VPS41: variants seen among roughly 807,000 people sequenced by gnomAD.
VPS41 encodes the protein VPS41 subunit of HOPS complex, also known as vacuolar protein sorting-associated protein 41 homolog.
VPS41 carries 85 observed loss-of-function variants against 130.9 expected under a neutral mutation model. The observed-to-expected ratio is 0.65, with a 90% CI of 0.55 to 0.78. The LOEUF (loss-of-function observed/expected upper bound fraction) is 0.78. VPS41 is among the 30% of genes least tolerant of loss of function. The pLI is 0.00. For synonymous variants in VPS41, 335 were observed against 332.9 expected (o/e 1.01, Z -0.07); for missense variants, 874 against 1,018.7 (o/e 0.86, Z 1.93).
At position 38,878,729 on chromosome 7, in the gene VPS41, GT is replaced by G. The variant is rs554209569; in HGVS notation, c.61-9477del. On this transcript the variant is annotated intron_variant, in intron 2 of 28. Coordinates refer to ENST00000310301, the MANE Select transcript of VPS41 (RefSeq NM_014396.4). ...ACAGCATTTATAAAGTTCAACACTT[GT>G]TTCTGATCTTAAAAAAGCTTTCAGT... Among the ~76,000 whole-genome samples the G allele has an allele frequency of 3.5e-3, 539 of 152,270 alleles. 1 individual carries two copies. The highest frequency in any genetic ancestry group is 0.013 in the African/African-American group (524 of 41,560).
At chr7:38,825,880 TGG>T (rs1785264125) in intron 5 of VPS41, among the ~76,000 whole-genome samples, 1 of 152,192 alleles carries the variant, frequency 6.6e-6, no homozygotes, top group African/African-American at 2.4e-5. Flanking sequence ...ACCAGAACAC[TGG>T]GCAACAGCCC....
At chr7:38,839,703 TTACAGGTGTGAGCCACTG>T (rs987051380) in intron 4 of VPS41, among the ~76,000 whole-genome samples, 4 of 152,106 alleles carry the variant, frequency 2.6e-5, no homozygotes, top group Admixed American at 1.3e-4. Context: ...AGTGCTGGGA[TTACAGGTGTGAGCCACTG>T]TACAGGTGTG....
chr7:38,756,765 G>T, intron 19 of VPS41, 73 bp downstream of exon 19: 1 of 1,133,380 alleles, frequency 8.8e-7, no homozygotes, highest in East Asian at 2.6e-5. Context: ...TCCAGCATTT[G>T]GATAGATATC....
chr7:38,742,081 A>G lies in VPS41; in HGVS notation c.2163T>C (p.Val721=). 3.1e-6 allele frequency: 5 copies of G among 1,612,858 alleles called. No individual in the cohort carries two copies. The highest frequency in any genetic ancestry group is 4.2e-6 in the Non-Finnish European group (5 of 1,179,614). ...TACGGTGAATCAGTAGAATTGGGTC[A>G]ACATGTGTGCCAATGTTGTTTAACA... The part of the protein sequence containing the change: ...TGLLNNIGTH[V]DPILLIHRIK... Residue 721 remains valine (V), a synonymous_variant, in exon 25 of 29, where the codon GTT becomes GTC. Coordinates refer to ENST00000310301, the MANE Select transcript of VPS41 (RefSeq NM_014396.4).
chr7:38,885,996 G>A (rs1246224678), intron 2 of VPS41, among the ~76,000 whole-genome samples: 1 of 152,112 alleles, frequency 6.6e-6, no homozygotes, highest in African/African-American at 2.4e-5. Flanking sequence ...CTGAATGAGA[G>A]AGAGAAAACC....
intron 21 of VPS41, 122 bp from the exon 22 acceptor site, chr7:38,752,435 G>T: frequency 2.6e-6 from 3 of 1,170,486 alleles, no homozygotes; most frequent in Non-Finnish European, 2.4e-6. Flanking sequence ...CAGTCTTCAG[G>T]GAAAACCTCT....
chr7:38,779,306 G>C (rs1463506996), intron 10 of VPS41, among the ~76,000 whole-genome samples: 2 of 152,120 alleles, frequency 1.3e-5, no homozygotes, highest in East Asian at 3.8e-4. Flanking sequence ...TCAACATTTG[G>C]ATAAAACTGA....
chr7:38,761,047 A>C (rs1008885104), intron 17 of VPS41, among the ~76,000 whole-genome samples: 4 of 152,136 alleles, frequency 2.6e-5, no homozygotes, highest in Admixed American at 2.6e-4. Flanking sequence ...AATATGATTG[A>C]AATTTTACTT....
At chr7:38,777,326 A>C (rs1021628151) in intron 10 of VPS41, among the ~76,000 whole-genome samples, 1 of 151,380 alleles carries the variant, frequency 6.6e-6, no homozygotes, top group African/African-American at 2.4e-5. Flanking sequence ...AGTATTTCTT[A>C]AGTGAAATAA....
intron 17 of VPS41, among the ~76,000 whole-genome samples, chr7:38,761,986 G>A (rs1783930840): frequency 6.6e-6 from 1 of 152,086 alleles, no homozygotes; most frequent in Non-Finnish European, 1.5e-5. Flanking sequence ...ATAATGCTCA[G>A]GGAAAGAAGA....
At chr7:38,728,479 A>T in intron 27 of VPS41, 63 bp downstream of exon 27, 1 of 1,590,688 alleles carries the variant, frequency 6.3e-7, no homozygotes, top group Non-Finnish European at 8.6e-7. Flanking sequence ...CTAATTCCAA[A>T]ATTTTGATTC....
chr7:38,801,975 A>C (rs1784735344), intron 7 of VPS41, among the ~76,000 whole-genome samples: 1 of 152,222 alleles, frequency 6.6e-6, no homozygotes, highest in Non-Finnish European at 1.5e-5. Flanking sequence ...AAATTTAAAG[A>C]ACCCAATGAC....
chr7:38,875,706 A>C (rs1217357232), intron 2 of VPS41, among the ~76,000 whole-genome samples: 1 of 152,228 alleles, frequency 6.6e-6, no homozygotes, highest in Non-Finnish European at 1.5e-5. Flanking sequence ...AAGTGACATG[A>C]AGATAATGGA....
intron 1 of VPS41, among the ~76,000 whole-genome samples, chr7:38,908,470 C>T (rs941817113): frequency 6.6e-6 from 1 of 152,164 alleles, no homozygotes; most frequent in African/African-American, 2.4e-5. Flanking sequence ...CAAATAATCC[C>T]ATTTAATTTT....
chr7:38,799,169 T>G (rs1784679305), intron 7 of VPS41, among the ~76,000 whole-genome samples: 1 of 152,154 alleles, frequency 6.6e-6, no homozygotes, highest in African/African-American at 2.4e-5. Flanking sequence ...TTTAAAAGAA[T>G]ACAAATTATC....
intron 7 of VPS41, among the ~76,000 whole-genome samples, chr7:38,815,853 C>A (rs1785037004): frequency 1.3e-5 from 2 of 152,086 alleles, no homozygotes; most frequent in Admixed American, 1.3e-4. Flanking sequence ...CCTTGCTCCT[C>A]CGCTTGCAGA....
intron 4 of VPS41, among the ~76,000 whole-genome samples, chr7:38,834,900 T>C (rs1288021510): frequency 6.6e-6 from 1 of 152,040 alleles, no homozygotes; most frequent in Non-Finnish European, 1.5e-5. Flanking sequence ...GAAAATATCT[T>C]TTATTTTACT....
chr7:38,726,403 A>T, intron 28 of VPS41, 77 bp from the exon 29 acceptor site: 1 of 1,123,926 alleles, frequency 8.9e-7, no homozygotes, highest in South Asian at 1.3e-5. Context: ...ACACTAAGGT[A>T]GCGTTAGTCA....
chr7:38,797,237 TTTTAAG>T (rs1297429860), intron 7 of VPS41, among the ~76,000 whole-genome samples: 3 of 152,244 alleles, frequency 2.0e-5, no homozygotes, highest in Non-Finnish European at 4.4e-5. Flanking sequence ...TCAAAACCTC[TTTTAAG>T]TTTTTCACTG....
Sources: gnomAD v4.1 joint callset for allele counts (sites outside exome capture counted in the v4.1 genomes callset) on GRCh38, gnomAD v4.1.1 for gene constraint, MANE v1.5 for transcripts, NCBI Gene and HGNC (gene_info 2026-07-23, HGNC 2026-07-21) for gene names.